DNAH11: variants seen among roughly 807,000 people sequenced by gnomAD.
DNAH11 encodes the protein axonemal beta dynein heavy chain 11.
In DNAH11, 442 loss-of-function variants were observed where a neutral mutation model predicts 526.0. The ratio of observed to expected loss-of-function variants is 0.84; its 90% CI spans 0.78 to 0.91. DNAH11 has a LOEUF of 0.91. Ranked by LOEUF, DNAH11 falls within the 40% of genes least tolerant of loss-of-function variation. DNAH11 has a pLI of 0.00. For synonymous variants in DNAH11, 2,461 were observed against 1,935.9 expected (o/e 1.27, Z -7.12); for missense variants, 6,989 against 5,448.7 (o/e 1.28, Z -8.90).
intron 30 of DNAH11, among the ~76,000 whole-genome samples, chr7:21,674,542 T>C (rs1782786896): frequency 6.6e-6 from 1 of 152,182 alleles, no homozygotes; most frequent in South Asian, 2.1e-4. Context: ...TTTGTAGTTT[T>C]AGTAGATACA....
chr7:21,703,947 T>C (rs1185235154), intron 37 of DNAH11, among the ~76,000 whole-genome samples: 1 of 152,222 alleles, frequency 6.6e-6, no homozygotes, highest in African/African-American at 2.4e-5. Context: ...TTGGAATGCT[T>C]AACTCCTGCT....
chr7:21,853,254 T>C (rs1782711741), intron 67 of DNAH11, among the ~76,000 whole-genome samples: 1 of 152,220 alleles, frequency 6.6e-6, no homozygotes, highest in South Asian at 2.1e-4. Flanking sequence ...TAAAATGCCA[T>C]TGTTTCAGTG....
chr7:21,731,101 G>A (rs919836696), intron 45 of DNAH11, among the ~76,000 whole-genome samples: 2 of 151,888 alleles, frequency 1.3e-5, no homozygotes, highest in Non-Finnish European at 2.9e-5. Flanking sequence ...CCGAGAGTGC[G>A]CTATTGGACT....
intron 30 of DNAH11, among the ~76,000 whole-genome samples, chr7:21,677,589 T>A (rs1782947432): frequency 6.6e-6 from 1 of 152,210 alleles, no homozygotes; most frequent in Admixed American, 6.5e-5. Flanking sequence ...TTCACCCCAT[T>A]GGCCAGGCTG....
chr7:21,668,595 A>G (rs902761055), intron 30 of DNAH11, among the ~76,000 whole-genome samples: 1 of 152,218 alleles, frequency 6.6e-6, no homozygotes, highest in Non-Finnish European at 1.5e-5. Context: ...CAAGTAGGAT[A>G]AAATTTCAGA....
At chr7:21,650,070 G>A (rs1161291107) in intron 28 of DNAH11, among the ~76,000 whole-genome samples, 3 of 151,762 alleles carry the variant, frequency 2.0e-5, no homozygotes, top group Non-Finnish European at 4.4e-5. Context: ...CTGCATATAT[G>A]TATTGCAATT....
rs761864384 is a variant in DNAH11 at position 21,784,427 on chromosome 7, G to A, written c.9484G>A (p.Val3162Met). The A allele has an allele frequency of 2.5e-6, 4 of 1,610,976 alleles. No homozygotes were observed. In the Admixed American group the frequency reaches 6.7e-5, roughly 27 times the overall value. ...KTIADAEERK[V>M]TAIQTEVFQK... ...TTGTGTGCTTTTCCTCTTTAATTAG[G>A]TGACAGCCATTCAGACTGAAGTGTT... The change falls in exon 58 of 82, where the codon GTG becomes ATG. Residue 3162 changes from valine (V) to methionine (M), a missense_variant and splice_region_variant. Transcript: ENST00000409508.
intron 65 of DNAH11, among the ~76,000 whole-genome samples, chr7:21,825,952 C>G (rs1261013314): frequency 6.9e-6 from 1 of 144,284 alleles, no homozygotes; most frequent in Non-Finnish European, 1.5e-5. Flanking sequence ...GAGTGAGACT[C>G]TGTCTCCAAA....
chr7:21,752,002 T>A (rs1410512924), intron 54 of DNAH11, among the ~76,000 whole-genome samples: 1 of 152,190 alleles, frequency 6.6e-6, no homozygotes, highest in East Asian at 1.9e-4. Context: ...AGCTGCAGAA[T>A]CAACATCAAC....
At chr7:21,750,465 G>A in intron 54 of DNAH11, 101 bp downstream of exon 54, 4 of 1,465,898 alleles carry the variant, frequency 2.7e-6, no homozygotes, top group Non-Finnish European at 3.7e-6. Context: ...TTTCAGTCAT[G>A]CATTTTGAAA....
In DNAH11 at chr7:21,818,223, G is replaced by C. The variant is rs1458825946; in HGVS notation, c.10575G>C (p.Leu3525Phe). 3 of 1,609,238 alleles carry C rather than the reference G, an allele frequency of 1.9e-6. No individual in the cohort carries two copies. Among genetic ancestry groups the C allele is most frequent in the Non-Finnish European group, 2.5e-6 (3 of 1,178,388 alleles). The change falls in exon 65 of 82, where the codon TTG becomes TTC. Residue 3525 changes from leucine to phenylalanine, a missense_variant. Coordinates refer to ENST00000409508, the MANE Select transcript of DNAH11 (RefSeq NM_001277115.2). ...AATCCCACTGAATTTTAAGGTTTTT[G>C]AATGCCATTGAAACTGCTTTGGCCT... The part of the protein sequence containing the change: ...KVTHLGQKGF[L>F]NAIETALAFG...
chr7:21,827,461 G>T (rs544406662), intron 65 of DNAH11, among the ~76,000 whole-genome samples: 1 of 151,584 alleles, frequency 6.6e-6, no homozygotes, highest in South Asian at 2.1e-4. Flanking sequence ...ATTTTTGAAA[G>T]ACTGGAGTAA....
intron 77 of DNAH11, among the ~76,000 whole-genome samples, chr7:21,894,402 G>T (rs1307707343): frequency 6.6e-6 from 1 of 152,218 alleles, no homozygotes; most frequent in Non-Finnish European, 1.5e-5. Flanking sequence ...GGAAGGGGAA[G>T]TGCTGGCACT....
chr7:21,773,854 G>C lies in DNAH11; in HGVS notation c.9191G>C (p.Arg3064Thr). ...EMSTRYYQNE[R>T]RHNYTTPKSF... ...AGTACCAGATATTACCAGAATGAGA[G>C]AAGACACAACTATACCACCCCAAAG... is the stretch of plus-strand genomic sequence containing the variant. Residue 3064 changes from arginine to threonine, a missense_variant, in exon 56 of 82, where the codon AGA (arginine) becomes ACA (threonine). Physicochemically the swap from Arg to Thr is moderately conservative, Grantham distance 71. Coordinates refer to ENST00000409508, the MANE Select transcript of DNAH11 (RefSeq NM_001277115.2). 6.2e-7 allele frequency: 1 copy of C among 1,608,354 alleles called. No homozygotes were observed. The highest frequency in any genetic ancestry group is 1.1e-5 in the South Asian group (1 of 89,456).
At chr7:21,839,836 T>A (rs914950881) in intron 65 of DNAH11, among the ~76,000 whole-genome samples, 1 of 152,226 alleles carries the variant, frequency 6.6e-6, no homozygotes, top group Non-Finnish European at 1.5e-5. Context: ...GTTGTCAGTG[T>A]AAGATCACTC....
chr7:21,590,986 T>G lies in DNAH11; in HGVS notation c.2238T>G (p.Ala746=), dbSNP rs1784654289. The G allele has an allele frequency of 2.6e-6, 4 of 1,520,712 alleles. No individual in the cohort carries two copies. Among genetic ancestry groups the G allele is most frequent in the Non-Finnish European group, 3.5e-6 (4 of 1,144,802 alleles). The allele number at this position is 1,520,712 out of a possible 1,614,324, so 94.2% of individuals were successfully genotyped here. ...MLKKQDIPDS[A]LAIFKKRNTI... ...AGAAACAAGACATACCAGATTCAGC[T>G]TTAGCCATCTTCAAGAAAAGGAACA... is the stretch of plus-strand genomic sequence containing the variant. The change falls in exon 13 of 82, where the codon GCT becomes GCG. Residue 746 remains alanine, a synonymous_variant. Coordinates refer to ENST00000409508, the MANE Select transcript of DNAH11 (RefSeq NM_001277115.2).
chr7:21,899,902 G>T, intron 80 of DNAH11, 78 bp from the exon 81 acceptor site: 1 of 1,535,316 alleles, frequency 6.5e-7, no homozygotes, highest in South Asian at 1.2e-5. Flanking sequence ...ACTAAAGGAT[G>T]CCTCAATTTA....
At chr7:21,634,801 C>A (rs1424089531) in intron 25 of DNAH11, among the ~76,000 whole-genome samples, 1 of 151,890 alleles carries the variant, frequency 6.6e-6, no homozygotes, top group Non-Finnish European at 1.5e-5. Flanking sequence ...CATATGTACC[C>A]CCCCGAACCC....
chr7:21,834,486 C>T lies in DNAH11; in HGVS notation c.10692-8058C>T, dbSNP rs115638888. Among the ~76,000 whole-genome samples, 1,457 of 151,954 alleles carry T rather than the reference C, an allele frequency of 9.6e-3. 30 individuals carry two copies. The highest frequency in any genetic ancestry group is 0.033 in the African/African-American group (1,358 of 41,460). The stretch of plus-strand genomic sequence containing the variant: ...GTAGAATAAAAGAAGTAATGAAGAT[C>T]AGAATAGAAAAAACAAAATAGAGAA... On this transcript the variant is annotated intron_variant, in intron 65 of 81. Coordinates refer to ENST00000409508, the MANE Select transcript of DNAH11 (RefSeq NM_001277115.2).
Sources: gnomAD v4.1 joint callset for allele counts (sites outside exome capture counted in the v4.1 genomes callset) on GRCh38, gnomAD v4.1.1 for gene constraint, MANE v1.5 for transcripts, NCBI Gene and HGNC (gene_info 2026-07-23, HGNC 2026-07-21) for gene names.